The following SUGCT variants were observed in gnomAD, a reference collection of about 807,000 sequenced individuals.
SUGCT encodes succinyl-CoA:glutarate CoA-transferase.
SUGCT carries 41 observed loss-of-function variants against 55.0 expected under a neutral mutation model. The ratio of observed to expected loss-of-function variants is 0.74; its 90% CI spans 0.58 to 0.97. SUGCT has a LOEUF of 0.97. Among genes scored for constraint, SUGCT ranks in the 50% least tolerant of loss-of-function variants. The probability of loss-of-function intolerance (pLI) is 0.00; values close to 1 mark genes in which losing one functional copy is unlikely to be tolerated. For missense variants in SUGCT, 568 were observed against 547.8 expected, an observed-to-expected ratio of 1.04 and a Z score of -0.37; for synonymous variants, 187 against 200.4, an observed-to-expected ratio of 0.93 and a Z score of 0.56.
At chr7:40,645,333 G>A (rs529661200) in intron 12 of SUGCT, among the ~76,000 whole-genome samples, 10 of 152,286 alleles carry the variant, frequency 6.6e-5, no homozygotes, top group Admixed American at 5.2e-4. Context: ...GCTGTGGGCC[G>A]TGGCTCTTTT....
chr7:40,482,377 TA>T (rs1454787020), intron 11 of SUGCT, among the ~76,000 whole-genome samples: 1 of 112,630 alleles, frequency 8.9e-6, no homozygotes, highest in Non-Finnish European at 1.7e-5. Flanking sequence ...GAGAAAAGAA[TA>T]AAAAGTAAAC....
intron 12 of SUGCT, among the ~76,000 whole-genome samples, chr7:40,706,117 TTATTC>T (rs111253075): frequency 0.025 from 3,842 of 152,302 alleles, 131 homozygotes; most frequent in African/African-American, 0.084. Context: ...AGCATTTCCT[TTATTC>T]TATGGTACAT....
intron 13 of SUGCT, among the ~76,000 whole-genome samples, chr7:40,801,170 C>G (rs879846067): frequency 1.3e-5 from 2 of 152,216 alleles, no homozygotes; most frequent in African/African-American, 4.8e-5. Context: ...TGTGTGAACA[C>G]TCTCCAGAAT....
At chr7:41,022,765 A>G in the SUGCT span, among the ~76,000 whole-genome samples, 1 of 152,218 alleles carries the variant, frequency 6.6e-6, no homozygotes, top group Non-Finnish European at 1.5e-5. Context: ...AAGCATGTAA[A>G]AATAGGAATA....
chr7:40,863,680 T>G (rs898997235), downstream of SUGCT, among the ~76,000 whole-genome samples: 2 of 152,152 alleles, frequency 1.3e-5, no homozygotes, highest in African/African-American at 4.8e-5. Flanking sequence ...TTCAAACCCA[T>G]TGCCCAAGAT....
At chr7:40,296,305 A>C (rs1794139831) in intron 8 of SUGCT, among the ~76,000 whole-genome samples, 1 of 152,192 alleles carries the variant, frequency 6.6e-6, no homozygotes, top group African/African-American at 2.4e-5. Flanking sequence ...ATTCCCTTGC[A>C]GAAGAGGATG....
intron 12 of SUGCT, among the ~76,000 whole-genome samples, chr7:40,634,346 G>C (rs1266357240): frequency 1.3e-5 from 2 of 152,158 alleles, no homozygotes; most frequent in African/African-American, 4.8e-5. Context: ...CATCTCGAGG[G>C]CTACTGCTCT....
chr7:40,298,523 A>G (rs1433289656), intron 8 of SUGCT, among the ~76,000 whole-genome samples: 2 of 152,170 alleles, frequency 1.3e-5, no homozygotes, highest in Non-Finnish European at 2.9e-5. Context: ...TATGAAGTTC[A>G]TGCCCCAGGG....
rs138818882 is a variant in SUGCT at position 40,649,704 on chromosome 7, C to A, written c.1090-99730C>A. ...ATGGTATTAATATGTATATGAGGCT[C>A]TTGCTCAAACTAAAGGCGTCTTCCT... is the stretch of plus-strand genomic sequence containing the variant. On this transcript the variant is annotated intron_variant, in intron 12 of 13. Transcript: ENST00000335693. Among the ~76,000 whole-genome samples the A allele has an allele frequency of 1.3e-3, 205 of 152,240 alleles. 1 individual carries two copies. The highest frequency in any genetic ancestry group is 2.0e-3 in the Non-Finnish European group (135 of 68,018).
chr7:40,780,474 TATC>T (rs1789678973), intron 13 of SUGCT, among the ~76,000 whole-genome samples: 1 of 152,162 alleles, frequency 6.6e-6, no homozygotes, highest in African/African-American at 2.4e-5. Context: ...CAGTTACCCA[TATC>T]TGCTGATCCC....
At chr7:40,427,414 T>C (rs1787641727) in intron 9 of SUGCT, among the ~76,000 whole-genome samples, 1 of 152,156 alleles carries the variant, frequency 6.6e-6, no homozygotes, top group South Asian at 2.1e-4. Flanking sequence ...CTGTCCAACT[T>C]CAAAGTCAAT....
At chr7:40,735,711 CAAAAA>C (rs1328783688) in intron 12 of SUGCT, among the ~76,000 whole-genome samples, 1 of 151,890 alleles carries the variant, frequency 6.6e-6, no homozygotes, top group Admixed American at 6.6e-5. Flanking sequence ...CAAAACAAAA[CAAAAA>C]AGAAAGCAAA....
At chr7:40,553,978 G>T (rs2151645975) in intron 12 of SUGCT, among the ~76,000 whole-genome samples, 1 of 152,320 alleles carries the variant, frequency 6.6e-6, no homozygotes, top group East Asian at 1.9e-4. Flanking sequence ...AACAAGGACT[G>T]TTAGGAGGAT....
intron 13 of SUGCT, among the ~76,000 whole-genome samples, chr7:40,790,597 G>GACTA (rs2128744570): frequency 6.6e-6 from 1 of 152,214 alleles, no homozygotes; most frequent in South Asian, 2.1e-4. Context: ...TAACAGTATG[G>GACTA]ACTACAGAAA....
chr7:40,378,117 T>C (rs1408359477), intron 9 of SUGCT, among the ~76,000 whole-genome samples: 1 of 50,060 alleles, frequency 2.0e-5, no homozygotes, highest in Non-Finnish European at 7.2e-5. Flanking sequence ...GTAGGATATT[T>C]TTTTTTTCCA....
rs1303538436 is a variant in SUGCT, at chr7:40,294,844, GC to G, written c.720+20191del. On this transcript the variant is annotated intron_variant, in intron 8 of 13. Coordinates refer to ENST00000335693, the MANE Select transcript of SUGCT (RefSeq NM_001193313.2). Reference sequence around the variant, plus strand: ...TTACAGGTGTGAGCCACTGTGCCTGGCCCTGTTGATGCATTATTAATCTCGG... The same window carrying G: ...TTACAGGTGTGAGCCACTGTGCCTGGCCTGTTGATGCATTATTAATCTCGG... 2.6e-5 allele frequency among the ~76,000 whole-genome samples: 4 copies of G among 152,246 alleles called. No individual in the cohort carries two copies. In the East Asian group the frequency reaches 7.7e-4, roughly 29 times the overall value.
intron 12 of SUGCT, among the ~76,000 whole-genome samples, chr7:40,597,190 C>T (rs911776383): frequency 3.9e-5 from 6 of 152,146 alleles, no homozygotes; most frequent in Non-Finnish European, 5.9e-5. Flanking sequence ...AAATCCTTAA[C>T]ATATAAAAAT....
At chr7:40,611,603 G>A (rs1352004129) in intron 12 of SUGCT, among the ~76,000 whole-genome samples, 1 of 152,190 alleles carries the variant, frequency 6.6e-6, no homozygotes, top group Non-Finnish European at 1.5e-5. Context: ...GAGTTAGGTA[G>A]TAAAATTGCA....
intron 13 of SUGCT, among the ~76,000 whole-genome samples, chr7:40,823,395 T>C (rs1030215094): frequency 1.9e-4 from 29 of 152,156 alleles, no homozygotes; most frequent in Non-Finnish European, 8.8e-5. Flanking sequence ...GATTTTTTTT[T>C]TCATTTAAAA....
Sources: allele counts gnomAD v4.1 joint callset (sites outside exome capture counted in the v4.1 genomes callset), GRCh38; gene constraint gnomAD v4.1.1; transcripts MANE v1.5; gene names NCBI Gene and HGNC (gene_info 2026-07-23, HGNC 2026-07-21).